The following TULP4 variants were observed in gnomAD, a reference collection of about 807,000 sequenced individuals.
TULP4 encodes TUB like protein 4, also known as tubby-related protein 4.
A neutral mutation model predicts 129.0 loss-of-function variants in TULP4; 16 were observed. The observed-to-expected ratio is 0.12, with a 90% confidence interval of 0.08 to 0.19. The LOEUF is 0.19. Ranked by LOEUF, TULP4 falls within the 10% of genes least tolerant of loss-of-function variation. The pLI is 1.00. For synonymous variants in TULP4, 998 were observed against 854.0 expected, an observed-to-expected ratio of 1.17 and a Z score of -2.94; for missense variants, 1,842 against 2,059.1, an observed-to-expected ratio of 0.89 and a Z score of 2.04.
chr6:158,502,452 C>T lies in TULP4; in HGVS notation c.2789C>T (p.Thr930Ile). 1 of 1,613,552 alleles carries T rather than the reference C, an allele frequency of 6.2e-7. No homozygotes were observed. The highest frequency in any genetic ancestry group is 8.5e-7 in the Non-Finnish European group (1 of 1,179,890). The change falls in exon 13 of 14, where the codon ACT becomes ATT. Residue 930 changes from threonine (T) to isoleucine (I), a missense_variant. Thr to Ile is a moderately conservative substitution (Grantham distance 89, BLOSUM62 -1). Transcript: ENST00000367097. ...TCTGCCACCTTGAGGCTCACGGCCA[C>T]TGAGAAGAAGGTCCCTCAGCCCTGC... ...GSSATLRLTATEKKVPQPCSS... is the reference protein window; with the variant it reads ...GSSATLRLTAIEKKVPQPCSS...
At chr6:158,238,996 A>C (rs1371129165) in intron 1 of TULP4, among the ~76,000 whole-genome samples, 1 of 142,332 alleles carries the variant, frequency 7.0e-6, no homozygotes, top group East Asian at 2.2e-4. Context: ...ACTTCCCAGT[A>C]GGGGTGGCCG....
At position 158,366,063 on chromosome 6, in the gene TULP4, C is replaced by T. The variant is rs144171976; in HGVS notation, c.253-47002C>T. Among the ~76,000 whole-genome samples the T allele has an allele frequency of 1.3e-3, 196 of 151,556 alleles. 1 individual carries two copies. The highest frequency in any genetic ancestry group is 4.5e-3 in the African/African-American group (184 of 41,302). On this transcript the variant is annotated intron_variant, in intron 1 of 13. Transcript: ENST00000367097. ...GACTACAGGTGCCTGCCACCACACCCGGCTAATTTTTTTGTATTTTTAGTA... is the reference window on the plus strand; with the variant it reads ...GACTACAGGTGCCTGCCACCACACCTGGCTAATTTTTTTGTATTTTTAGTA...
In TULP4 at chr6:158,236,033, C is replaced by T. The variant is rs368679044; in HGVS notation, n.68+3730C>T. Among the ~76,000 whole-genome samples, 33 of 152,112 alleles carry T rather than the reference C, an allele frequency of 2.2e-4. 1 individual carries two copies. The highest frequency in any genetic ancestry group is 1.6e-3 in the Admixed American group (24 of 15,270). On this transcript the variant is annotated intron_variant and non_coding_transcript_variant, in intron 1 of 1. Transcript: ENST00000620026. ...ATTCCAGCACATCTTCCTGAAATTG[C>T]GGCTGATGCAGATGTTGTTTTTATT... is the stretch of plus-strand genomic sequence containing the variant.
intron 1 of TULP4, among the ~76,000 whole-genome samples, chr6:158,306,648 T>C (rs1407825444): frequency 6.6e-6 from 1 of 152,252 alleles, no homozygotes; most frequent in Non-Finnish European, 1.5e-5. Context: ...TCAGGGCTCC[T>C]TTATATTCAT....
At chr6:158,301,225 C>G (rs191529493) in intron 1 of TULP4, among the ~76,000 whole-genome samples, 1 of 152,254 alleles carries the variant, frequency 6.6e-6, no homozygotes, top group Admixed American at 6.5e-5. Flanking sequence ...GCAATTAACT[C>G]TACCTTTTGA....
chr6:158,462,818 C>T (rs1316236184), intron 6 of TULP4, among the ~76,000 whole-genome samples: 2 of 140,656 alleles, frequency 1.4e-5, no homozygotes, highest in African/African-American at 2.6e-5. Flanking sequence ...GGCGCCATCT[C>T]GGCTCACTGC....
intron 1 of TULP4, among the ~76,000 whole-genome samples, chr6:158,355,540 C>A (rs1562532660): frequency 6.6e-6 from 1 of 152,072 alleles, no homozygotes; most frequent in East Asian, 1.9e-4. Context: ...AAGCTCTGTT[C>A]ATGTGTAGTG....
chr6:158,333,421 C>T (rs1240029775), intron 1 of TULP4, among the ~76,000 whole-genome samples: 1 of 152,234 alleles, frequency 6.6e-6, no homozygotes, highest in Non-Finnish European at 1.5e-5. Context: ...TTGCCAGCAC[C>T]TTAACCTTGG....
chr6:158,480,357 A>G (rs1380226553), intron 7 of TULP4, among the ~76,000 whole-genome samples: 1 of 152,258 alleles, frequency 6.6e-6, no homozygotes, highest in Non-Finnish European at 1.5e-5. Context: ...TTAAGGAAGC[A>G]GGAAACAAGT....
intron 12 of TULP4, among the ~76,000 whole-genome samples, chr6:158,501,183 C>G (rs1221871777): frequency 6.6e-6 from 1 of 152,124 alleles, no homozygotes; most frequent in Non-Finnish European, 1.5e-5. Context: ...TTACAGAAAC[C>G]TAATGTGCAT....
At chr6:158,308,397 ACTT>A (rs1426329411), upstream of TULP4, among the ~76,000 whole-genome samples, 1,908 of 152,016 alleles carry the variant, frequency 0.013, 18 homozygotes, top group African/African-American at 0.044. Context: ...TCCCATGTCT[ACTT>A]CTTTCTACAC....
chr6:158,368,087 A>AAAAAG (rs1191419522), intron 1 of TULP4, among the ~76,000 whole-genome samples: 1 of 150,568 alleles, frequency 6.6e-6, no homozygotes, highest in East Asian at 1.9e-4. Flanking sequence ...AAAAAAAAAA[A>AAAAAG]AGGAGCTTCC....
At chr6:158,398,577 G>A (rs1777772191) in intron 1 of TULP4, 2 of 152,240 alleles carry the variant, frequency 1.3e-5, no homozygotes, top group Non-Finnish European at 2.9e-5. Context: ...GTTTAGCACT[G>A]GCCTGCATTG....
intron 1 of TULP4, among the ~76,000 whole-genome samples, chr6:158,247,911 C>T (rs1778056991): frequency 6.6e-6 from 1 of 152,172 alleles, no homozygotes; most frequent in Non-Finnish European, 1.5e-5. Context: ...ATTATCTTTA[C>T]ACGTAATCAG....
chr6:158,499,850 GA>G (rs897822407), intron 12 of TULP4, among the ~76,000 whole-genome samples: 4 of 150,332 alleles, frequency 2.7e-5, no homozygotes, highest in East Asian at 1.9e-4. Flanking sequence ...ACTGAAAAAA[GA>G]AAAAAAAATG....
chr6:158,406,583 A>G (rs1777982235), intron 1 of TULP4, among the ~76,000 whole-genome samples: 1 of 152,234 alleles, frequency 6.6e-6, no homozygotes, highest in Non-Finnish European at 1.5e-5. Flanking sequence ...ATGCCTGAAT[A>G]TGGTCAAAAG....
chr6:158,503,135 G>A lies in TULP4; in HGVS notation c.3472G>A (p.Gly1158Ser). The change falls in exon 13 of 14, where the codon GGC (glycine) becomes AGC (serine). Residue 1158 changes from glycine to serine, a missense_variant. By Grantham distance (56) the Gly-to-Ser change is moderately conservative (BLOSUM62 0). Around this residue, in one of 5 missense-constraint regions of TULP4, gnomAD observed 1,089 missense variants for 987.1 expected, o/e 1.10. Coordinates refer to ENST00000367097, the MANE Select transcript of TULP4 (RefSeq NM_020245.5). The surrounding 1 kb of genome is among the most constrained non-coding windows in gnomAD (Gnocchi z 4.3). The stretch of plus-strand genomic sequence containing the variant: ...ACTGTCCTCTCTGATGCTGAGTCAG[G>A]GCCAGCACCTGGACGTGTCCCGACT... The part of the protein sequence containing the change: ...LKLSSLMLSQ[G>S]QHLDVSRLPF... 6.2e-7 allele frequency: 1 copy of A among 1,613,740 alleles called. No homozygotes were observed. The highest frequency in any genetic ancestry group is 8.5e-7 in the Non-Finnish European group (1 of 1,179,778).
chr6:158,342,896 A>G (rs1301810996), intron 1 of TULP4, among the ~76,000 whole-genome samples: 3 of 152,108 alleles, frequency 2.0e-5, no homozygotes, highest in Non-Finnish European at 2.9e-5. Flanking sequence ...AATAGGCTCA[A>G]TAAATGATCA....
Position 158,313,187 on chromosome 6 carries a change from A to T in TULP4, c.-830A>T. The T allele has an allele frequency of 1.0e-5, 3 of 291,980 alleles. No homozygotes were observed. Among genetic ancestry groups the T allele is most frequent in the Middle Eastern group, 9.5e-4 (1 of 1,054 alleles). The allele number at this position is 291,980 out of a possible 1,614,324, so 18.1% of individuals were successfully genotyped here. On this transcript the variant is annotated 5_prime_UTR_variant, in exon 1 of 14. In the 5' UTR this introduces an upstream ATG that the reference lacks. Transcript: ENST00000367097. ...CTGGAACATTCTGCCTCTTGAGTGAAGGGGCCTTCTTTCTAGCCTCTATGG... is the reference window on the plus strand; with the variant it reads ...CTGGAACATTCTGCCTCTTGAGTGATGGGGCCTTCTTTCTAGCCTCTATGG...
Sources: gnomAD v4.1 joint callset for allele counts (sites outside exome capture counted in the v4.1 genomes callset) on GRCh38, gnomAD v4.1.1 for gene constraint, gnomAD v4.1.1 regional missense constraint, Gnocchi (gnomAD v3.1) non-coding constraint, MANE v1.5 for transcripts, NCBI Gene and HGNC (gene_info 2026-07-23, HGNC 2026-07-21) for gene names.